The following FAM13A variants were observed in gnomAD, a reference collection of about 807,000 sequenced individuals.
FAM13A encodes protein FAM13A.
In FAM13A, 76 loss-of-function variants were observed where a neutral mutation model predicts 129.6. That is an observed-to-expected ratio of 0.59 (90% CI 0.49 to 0.71). FAM13A has a LOEUF of 0.71. FAM13A is among the 30% of genes least tolerant of loss of function. FAM13A has a pLI of 0.00. For missense variants in FAM13A, 1,108 were observed against 1,249.3 expected (o/e 0.89, Z 1.70); for synonymous variants, 443 against 449.9 (o/e 0.98, Z 0.20).
At chr4:88,963,814 AC>A (rs1286470460) in intron 4 of FAM13A, among the ~76,000 whole-genome samples, 14 of 152,178 alleles carry the variant, frequency 9.2e-5, no homozygotes, top group Admixed American at 4.6e-4. Flanking sequence ...TTTGAAACAT[AC>A]TATACTCAAT....
intron 5 of FAM13A, chr4:88,937,022 G>T (rs1561382199): frequency 1.3e-5 from 2 of 151,950 alleles, no homozygotes; most frequent in African/African-American, 4.8e-5. Context: ...AAGTAATGTT[G>T]TTTTCTTATT....
At chr4:88,973,131 A>ATTTTTTTTTTTTTTTTTTTTTTTTTT (rs70959640) in intron 4 of FAM13A, among the ~76,000 whole-genome samples, 1 of 134,480 alleles carries the variant, frequency 7.4e-6, no homozygotes, top group Non-Finnish European at 1.6e-5. Context: ...CCTAGGCATA[A>ATTTTTTTTTTTTTTTTTTTTTTTTTT]TTTTTTTTTT....
intron 6 of FAM13A, among the ~76,000 whole-genome samples, chr4:88,875,465 T>C (rs375612993): frequency 6.6e-6 from 1 of 151,880 alleles, no homozygotes. Flanking sequence ...AACAACCCCA[T>C]CAAAAAGTGG....
At chr4:88,877,068 G>A (rs921011969) in intron 6 of FAM13A, among the ~76,000 whole-genome samples, 22 of 152,176 alleles carry the variant, frequency 1.4e-4, no homozygotes, top group African/African-American at 3.4e-4. Flanking sequence ...ATGGAAATAC[G>A]CAGAATTTCA....
At chr4:88,761,412 T>C (rs1409436513) in intron 13 of FAM13A, among the ~76,000 whole-genome samples, 1 of 152,248 alleles carries the variant, frequency 6.6e-6, no homozygotes, top group East Asian at 1.9e-4. Flanking sequence ...CAACAAAGGC[T>C]GGAAGACAAT....
chr4:88,984,891 A>G (rs1762053069), intron 4 of FAM13A, among the ~76,000 whole-genome samples: 1 of 152,222 alleles, frequency 6.6e-6, no homozygotes. Context: ...GTAGTTCCTC[A>G]AAATTTTAAA....
At chr4:88,821,869 T>C (rs1731976618) in intron 7 of FAM13A, among the ~76,000 whole-genome samples, 1 of 152,208 alleles carries the variant, frequency 6.6e-6, no homozygotes, top group African/African-American at 2.4e-5. Context: ...TCCTTGTTAG[T>C]ACAGTGAAGG....
intron 6 of FAM13A, among the ~76,000 whole-genome samples, chr4:88,867,150 G>C (rs1740597610): frequency 6.6e-6 from 1 of 152,106 alleles, no homozygotes; most frequent in African/African-American, 2.4e-5. Flanking sequence ...ACATAATGTT[G>C]TTTTGTGTGT....
intron 7 of FAM13A, among the ~76,000 whole-genome samples, chr4:88,830,262 T>C (rs1364775005): frequency 6.6e-6 from 1 of 152,290 alleles, no homozygotes; most frequent in East Asian, 1.9e-4. Flanking sequence ...AAAACTAATG[T>C]ATGGAAATAA....
rs895101380 is a variant in FAM13A at position 88,739,086 on chromosome 4, C to T, written c.2506G>A (p.Asp836Asn). The T allele has an allele frequency of 1.2e-5, 20 of 1,613,854 alleles. No individual in the cohort carries two copies. The highest frequency in any genetic ancestry group is 3.3e-5 in the South Asian group (3 of 91,066). Residue 836 changes from aspartate (D) to asparagine (N), a missense_variant, in exon 20 of 24, where the codon GAC (aspartate) becomes AAC (asparagine). Around this residue, in one of 3 missense-constraint regions of FAM13A, gnomAD observed 529 missense variants for 621.2 expected, o/e 0.85. Transcript: ENST00000264344. ...NERQVMKPLYDRYRLVKQILS... is the reference protein window; with the variant it reads ...NERQVMKPLYNRYRLVKQILS... ...ATCTGTTTGACCAGCCGGTACCTGTCGTATAGTGGCTTCATCACCTGCCGT... is the reference window on the plus strand; with the variant it reads ...ATCTGTTTGACCAGCCGGTACCTGTTGTATAGTGGCTTCATCACCTGCCGT...
chr4:88,964,633 CTT>C (rs763599993), intron 4 of FAM13A, among the ~76,000 whole-genome samples: 31 of 135,626 alleles, frequency 2.3e-4, no homozygotes, highest in Admixed American at 3.7e-4. Context: ...ACACTCTGCT[CTT>C]TTTTTTTTTT....
chr4:89,019,597 C>T (rs972532186), intron 3 of FAM13A, among the ~76,000 whole-genome samples: 1 of 151,786 alleles, frequency 6.6e-6, no homozygotes, highest in African/African-American at 2.4e-5. Context: ...CCCAACTCTA[C>T]TAAAAATACA....
At chr4:88,785,388 A>G (rs1723765841) in intron 10 of FAM13A, among the ~76,000 whole-genome samples, 1 of 152,132 alleles carries the variant, frequency 6.6e-6, no homozygotes, top group South Asian at 2.1e-4. Flanking sequence ...ACTGTAGGCT[A>G]TATTAATGAT....
At chr4:89,050,618 C>T (rs1400597557) in intron 1 of FAM13A, among the ~76,000 whole-genome samples, 2 of 152,076 alleles carry the variant, frequency 1.3e-5, no homozygotes, top group East Asian at 1.9e-4. Flanking sequence ...TGGGATGAAT[C>T]TGATACCAAA....
chr4:88,883,007 T>A (rs1304028322), intron 6 of FAM13A, among the ~76,000 whole-genome samples: 1 of 152,028 alleles, frequency 6.6e-6, no homozygotes, highest in Non-Finnish European at 1.5e-5. Context: ...GCTCCCAAAT[T>A]TATAAAATAA....
At chr4:88,788,891 G>A (rs1449582542) in intron 9 of FAM13A, among the ~76,000 whole-genome samples, 3 of 151,962 alleles carry the variant, frequency 2.0e-5, no homozygotes, top group East Asian at 1.9e-4. Context: ...TTTTATAATC[G>A]ACTCATAGTT....
intron 8 of FAM13A, among the ~76,000 whole-genome samples, chr4:88,798,542 G>C (rs1281466178): frequency 6.6e-6 from 1 of 152,180 alleles, no homozygotes; most frequent in Non-Finnish European, 1.5e-5. Context: ...CAGCAGAAGA[G>C]AGCCAAGTCA....
intron 10 of FAM13A, among the ~76,000 whole-genome samples, chr4:88,782,183 A>G (rs546283830): frequency 6.6e-6 from 1 of 152,266 alleles, no homozygotes; most frequent in East Asian, 1.9e-4. Flanking sequence ...TTGTAGAAGT[A>G]GATATGAATG....
chr4:88,918,235 A>G (rs1257503623), intron 5 of FAM13A, among the ~76,000 whole-genome samples: 1 of 152,226 alleles, frequency 6.6e-6, no homozygotes, highest in Non-Finnish European at 1.5e-5. Flanking sequence ...TGCAGCATTG[A>G]TGGTAATGAT....
Sources: gnomAD v4.1 joint callset for allele counts (sites outside exome capture counted in the v4.1 genomes callset) on GRCh38, gnomAD v4.1.1 for gene constraint, gnomAD v4.1.1 regional missense constraint, MANE v1.5 for transcripts, NCBI Gene and HGNC (gene_info 2026-07-23, HGNC 2026-07-21) for gene names.